The following ROBO1 variants were observed in gnomAD, a reference collection of about 807,000 sequenced individuals.
ROBO1 encodes the protein roundabout homolog 1.
A neutral mutation model predicts 195.9 loss-of-function variants in ROBO1; 149 were observed. That is an observed-to-expected ratio of 0.76 (90% CI 0.67 to 0.87). The LOEUF is 0.87. ROBO1 is among the 40% of genes least tolerant of loss of function. The probability of loss-of-function intolerance (pLI) is 0.00; values close to 1 mark genes in which losing one functional copy is unlikely to be tolerated. For missense variants in ROBO1, 1,933 were observed against 2,068.3 expected (o/e 0.93, Z 1.27); for synonymous variants, 816 against 733.2 (o/e 1.11, Z -1.82).
At chr3:79,740,673 G>A (rs575456055) in intron 1 of ROBO1, among the ~76,000 whole-genome samples, 79 of 152,200 alleles carry the variant, frequency 5.2e-4, no homozygotes, top group African/African-American at 1.9e-3. Context: ...CCGCCCCCAT[G>A]ATTCAATTCT....
In ROBO1 at chr3:78,731,242, A is replaced by G. The variant is rs576860968; in HGVS notation, c.658-13359T>C. ...AATACAAACGGTATTAATTGTAATA[A>G]GGGATATGAGTGTTTTATATGGCTT... On this transcript the variant is annotated intron_variant, in intron 5 of 30. Coordinates refer to ENST00000464233, the MANE Select transcript of ROBO1 (RefSeq NM_002941.4). Among the ~76,000 whole-genome samples, 4 of 152,220 alleles carry G rather than the reference A, an allele frequency of 2.6e-5. No individual in the cohort carries two copies. The South Asian group carries it at 8.3e-4, about 32-fold the overall frequency.
At chr3:79,398,537 A>G (rs991769994) in intron 2 of ROBO1, among the ~76,000 whole-genome samples, 5 of 152,104 alleles carry the variant, frequency 3.3e-5, no homozygotes, top group Non-Finnish European at 7.3e-5. Context: ...TCTCTCTTTC[A>G]TAAGGTAGTT....
At chr3:78,936,490 C>T (rs28493625) in intron 4 of ROBO1, among the ~76,000 whole-genome samples, 8,280 of 151,936 alleles carry the variant, frequency 0.054, 644 homozygotes, top group African/African-American at 0.17. Context: ...ATGGGCTTTG[C>T]AACTGTGGAA....
intron 4 of ROBO1, among the ~76,000 whole-genome samples, chr3:78,936,402 T>C (rs1051315215): frequency 1.3e-5 from 2 of 152,096 alleles, no homozygotes; most frequent in African/African-American, 2.4e-5. Context: ...GGTGATAGTT[T>C]AATATCATAA....
rs34409991 is a variant in ROBO1, at chr3:78,793,135, C to CA, written c.500-46236dup. Among the ~76,000 whole-genome samples the CA allele has an allele frequency of 3.8e-3, 531 of 139,504 alleles. 4 individuals are homozygous for CA. The highest frequency in any genetic ancestry group is 0.013 in the African/African-American group (492 of 37,824). The allele number at this position is 139,504 out of a possible 152,430, so 91.5% of individuals were successfully genotyped here. On this transcript the variant is annotated intron_variant, in intron 4 of 30. Coordinates refer to ENST00000464233, the MANE Select transcript of ROBO1 (RefSeq NM_002941.4). Reference sequence around the variant, plus strand: ...GACAACAACAACAACAAAACAAAACCAAAAAAAAAAAAAGAAAGAAAGAAA... The same window carrying CA: ...GACAACAACAACAACAAAACAAAACCAAAAAAAAAAAAAAGAAAGAAAGAAA...
At chr3:79,141,973 G>GT (rs966440290) in intron 2 of ROBO1, among the ~76,000 whole-genome samples, 10 of 151,758 alleles carry the variant, frequency 6.6e-5, no homozygotes, top group South Asian at 6.2e-4. Context: ...GACATTTGTG[G>GT]TTTTTTTTGT....
rs546721284 is a variant in ROBO1 at position 78,925,561 on chromosome 3, C to T, written c.499+13040G>A. On this transcript the variant is annotated intron_variant, in intron 4 of 30. Coordinates refer to ENST00000464233, the MANE Select transcript of ROBO1 (RefSeq NM_002941.4). ...ATTGTACCTTACCCTTCAAATATAACGAAAAACACCTTTTTTCATTGATGT... is the reference window on the plus strand; with the variant it reads ...ATTGTACCTTACCCTTCAAATATAATGAAAAACACCTTTTTTCATTGATGT... Among the ~76,000 whole-genome samples, 22 of 152,196 alleles carry T rather than the reference C, an allele frequency of 1.4e-4. No individual in the cohort carries two copies. The East Asian group carries it at 1.7e-3, about 12-fold the overall frequency.
chr3:79,142,147 G>C (rs1353829044), intron 2 of ROBO1, among the ~76,000 whole-genome samples: 2 of 152,116 alleles, frequency 1.3e-5, no homozygotes, highest in Non-Finnish European at 2.9e-5. Flanking sequence ...GTTTATTTGT[G>C]TGCATGCAGA....
At chr3:79,330,401 A>G (rs948330737) in intron 2 of ROBO1, among the ~76,000 whole-genome samples, 9 of 151,038 alleles carry the variant, frequency 6.0e-5, no homozygotes, top group African/African-American at 2.2e-4. Context: ...ATCTGGCCAT[A>G]GAATATTTTT....
intron 4 of ROBO1, among the ~76,000 whole-genome samples, chr3:78,819,003 CA>C (rs1286097024): frequency 6.6e-6 from 1 of 152,084 alleles, no homozygotes; most frequent in African/African-American, 2.4e-5. Flanking sequence ...GGTGTATATA[CA>C]GGAAAAAACA....
intron 2 of ROBO1, among the ~76,000 whole-genome samples, chr3:79,208,687 A>G (rs867169474): frequency 7.4e-4 from 108 of 145,306 alleles, no homozygotes; most frequent in African/African-American, 2.6e-3. Flanking sequence ...GTGGTGGGGC[A>G]TGTGTGTGTG....
chr3:79,095,691 C>T (rs567329396), intron 3 of ROBO1, among the ~76,000 whole-genome samples: 19 of 152,050 alleles, frequency 1.2e-4, no homozygotes, highest in Non-Finnish European at 2.4e-4. Flanking sequence ...TTTTGCACAG[C>T]AATAGAAAAC....
intron 4 of ROBO1, among the ~76,000 whole-genome samples, chr3:78,785,658 C>T (rs536218789): frequency 3.3e-5 from 5 of 152,226 alleles, no homozygotes; most frequent in African/African-American, 1.2e-4. Context: ...CTCTTACATG[C>T]TGGTTCAAGA....
chr3:79,516,763 A>C (rs1243381486), intron 2 of ROBO1, among the ~76,000 whole-genome samples: 1 of 152,224 alleles, frequency 6.6e-6, no homozygotes, highest in Non-Finnish European at 1.5e-5. Context: ...GTTGTGTTTG[A>C]GTACAAACAA....
intron 3 of ROBO1, among the ~76,000 whole-genome samples, chr3:79,031,462 G>T (rs942286226): frequency 6.6e-6 from 1 of 152,146 alleles, no homozygotes; most frequent in East Asian, 1.9e-4. Flanking sequence ...AAAATAAAAT[G>T]CTTAGGTGCA....
At chr3:79,178,034 A>G (rs1250202803) in intron 2 of ROBO1, among the ~76,000 whole-genome samples, 1 of 152,232 alleles carries the variant, frequency 6.6e-6, no homozygotes, top group Non-Finnish European at 1.5e-5. Context: ...AGAAAAATAA[A>G]TCATTACTAA....
intron 2 of ROBO1, among the ~76,000 whole-genome samples, chr3:79,185,279 A>AT (rs1435697176): frequency 2.6e-5 from 4 of 152,018 alleles, no homozygotes; most frequent in East Asian, 1.9e-4. Context: ...GTAGTAACTG[A>AT]TTTTTTTTAT....
At chr3:79,364,689 G>A (rs372119836) in intron 2 of ROBO1, among the ~76,000 whole-genome samples, 1 of 152,032 alleles carries the variant, frequency 6.6e-6, no homozygotes, top group East Asian at 1.9e-4. Context: ...TATATTTTTG[G>A]TCCTTTGTGG....
chr3:78,754,094 T>TA lies in ROBO1; in HGVS notation c.500-7195dup, dbSNP rs540720321. Among the ~76,000 whole-genome samples, 55 of 152,268 alleles carry TA rather than the reference T, an allele frequency of 3.6e-4. 1 individual carries two copies. Among genetic ancestry groups the TA allele is most frequent in the East Asian group, 1.2e-3 (6 of 5,180 alleles). On this transcript the variant is annotated intron_variant, in intron 4 of 30. Coordinates refer to ENST00000464233, the MANE Select transcript of ROBO1 (RefSeq NM_002941.4). ...GTTCACAATGACTCAGTTATTTCCATAAAAAACAGAGAGTTTTACACTCTA... is the reference window on the plus strand; with the variant it reads ...GTTCACAATGACTCAGTTATTTCCATAAAAAAACAGAGAGTTTTACACTCTA...
Sources: allele counts gnomAD v4.1 joint callset (sites outside exome capture counted in the v4.1 genomes callset), GRCh38; gene constraint gnomAD v4.1.1; transcripts MANE v1.5; gene names NCBI Gene and HGNC (gene_info 2026-07-23, HGNC 2026-07-21).